The following NTN1 variants were observed in gnomAD, a reference collection of about 807,000 sequenced individuals.
NTN1 encodes the protein netrin-1.
A neutral mutation model predicts 54.2 loss-of-function variants in NTN1; 11 were observed. The ratio of observed to expected loss-of-function variants is 0.20; its 90% CI spans 0.13 to 0.34. NTN1 has a LOEUF of 0.34. Ranked by LOEUF, NTN1 falls within the 10% of genes least tolerant of loss-of-function variation. The pLI is 1.00. For synonymous variants in NTN1, 371 were observed against 382.0 expected (o/e 0.97, Z 0.33); for missense variants, 740 against 893.1 (o/e 0.83, Z 2.18).
intron 2 of NTN1, among the ~76,000 whole-genome samples, chr17:9,087,103 A>G (rs1335244249): frequency 6.6e-6 from 1 of 152,198 alleles, no homozygotes; most frequent in Non-Finnish European, 1.5e-5. Flanking sequence ...TAAAGGTTAC[A>G]CAGTTTGACC....
At chr17:9,153,128 G>T (rs2092332331) in intron 2 of NTN1, among the ~76,000 whole-genome samples, 2 of 152,134 alleles carry the variant, frequency 1.3e-5, no homozygotes, top group South Asian at 4.1e-4. Context: ...AATGAGCCAG[G>T]TGTGGTGGCA....
chr17:9,155,445 G>A (rs1190362101), intron 2 of NTN1, among the ~76,000 whole-genome samples: 3 of 151,758 alleles, frequency 2.0e-5, no homozygotes, highest in African/African-American at 4.8e-5. Flanking sequence ...GGGTTCAAGC[G>A]ATTCTCCTGC....
At chr17:9,147,000 A>AC (rs1344077490) in intron 2 of NTN1, among the ~76,000 whole-genome samples, 1 of 151,016 alleles carries the variant, frequency 6.6e-6, no homozygotes, top group Non-Finnish European at 1.5e-5. Flanking sequence ...AAGCTTTTGA[A>AC]CCCCCAAAGG....
chr17:9,128,513 G>T (rs2092254320), intron 2 of NTN1, among the ~76,000 whole-genome samples: 1 of 152,176 alleles, frequency 6.6e-6, no homozygotes, highest in Non-Finnish European at 1.5e-5. Flanking sequence ...ACTTCTCCTT[G>T]TCCCGGTGCA....
At chr17:9,186,908 G>T (rs571623518) in intron 5 of NTN1, among the ~76,000 whole-genome samples, 1 of 152,138 alleles carries the variant, frequency 6.6e-6, no homozygotes, top group South Asian at 2.1e-4. Flanking sequence ...ACTTGAATGC[G>T]GCATTAGCGA....
chr17:9,109,285 A>G (rs1470549388), intron 2 of NTN1, among the ~76,000 whole-genome samples: 3 of 152,200 alleles, frequency 2.0e-5, no homozygotes, highest in African/African-American at 7.2e-5. Flanking sequence ...CTTCCCAGAA[A>G]CAAATAGTAT....
At chr17:9,235,333 T>C (rs1278188320) in intron 6 of NTN1, among the ~76,000 whole-genome samples, 2 of 152,220 alleles carry the variant, frequency 1.3e-5, no homozygotes, top group African/African-American at 4.8e-5. Context: ...CGTCTGCCTT[T>C]CTGAGAGCAA....
At chr17:9,187,288 G>A (rs1235071331) in intron 5 of NTN1, among the ~76,000 whole-genome samples, 1 of 152,080 alleles carries the variant, frequency 6.6e-6, no homozygotes, top group African/African-American at 2.4e-5. Context: ...AAGTTGGACT[G>A]CCCGAGGCAG....
intron 2 of NTN1, among the ~76,000 whole-genome samples, chr17:9,051,294 C>T (rs533312263): frequency 6.6e-6 from 1 of 152,350 alleles, no homozygotes; most frequent in South Asian, 2.1e-4. Context: ...CAGACAGGCC[C>T]CACCATCCCG....
At chr17:9,011,809 C>T in the NTN1 span, among the ~76,000 whole-genome samples, 4 of 152,056 alleles carry the variant, frequency 2.6e-5, no homozygotes, top group African/African-American at 9.7e-5. Context: ...AGGATGGTCT[C>T]GATCTCTTGA....
chr17:9,042,124 G>T (rs999014694), intron 2 of NTN1, among the ~76,000 whole-genome samples: 1 of 152,034 alleles, frequency 6.6e-6, no homozygotes. Context: ...AACATATGGG[G>T]ATCCTAGTTT....
chr17:9,109,244 A>G (rs2092181010), intron 2 of NTN1, among the ~76,000 whole-genome samples: 1 of 151,956 alleles, frequency 6.6e-6, no homozygotes, highest in Non-Finnish European at 1.5e-5. Flanking sequence ...AATACTTCTC[A>G]TTTTCCTTTT....
the NTN1 span, among the ~76,000 whole-genome samples, chr17:9,010,253 A>G: frequency 1.3e-5 from 2 of 152,316 alleles, no homozygotes; most frequent in Non-Finnish European, 2.9e-5. Flanking sequence ...TGCAGACTGA[A>G]GTCCCCTGTG....
intron 6 of NTN1, among the ~76,000 whole-genome samples, chr17:9,232,521 C>T (rs770302459): frequency 6.6e-6 from 1 of 152,228 alleles, no homozygotes; most frequent in Non-Finnish European, 1.5e-5. Context: ...GAGAGAGGGT[C>T]ATCCTGTTCT....
chr17:9,207,329 T>C (rs1474736938), intron 5 of NTN1, among the ~76,000 whole-genome samples: 2 of 152,162 alleles, frequency 1.3e-5, no homozygotes, highest in African/African-American at 2.4e-5. Flanking sequence ...GTGAGAAATA[T>C]CTTTGGGTTT....
At chr17:9,229,650 G>A (rs896724487) in intron 6 of NTN1, among the ~76,000 whole-genome samples, 1 of 152,132 alleles carries the variant, frequency 6.6e-6, no homozygotes, top group African/African-American at 2.4e-5. Context: ...GCAAACAGGC[G>A]GGAGCGGGCA....
At chr17:9,215,181 CAT>C (rs150512365) in intron 5 of NTN1, among the ~76,000 whole-genome samples, 2,155 of 151,762 alleles carry the variant, frequency 0.014, 28 homozygotes, top group African/African-American at 0.032. Flanking sequence ...CATTCTACTT[CAT>C]AGTTTTTAAT....
At chr17:9,062,266 T>C (rs1429929927) in intron 2 of NTN1, among the ~76,000 whole-genome samples, 1 of 152,240 alleles carries the variant, frequency 6.6e-6, no homozygotes, top group Non-Finnish European at 1.5e-5. Context: ...AAAAGGTTTT[T>C]ATTCCCCTTT....
At chr17:9,220,539 C>T (rs2142355401) in intron 5 of NTN1, among the ~76,000 whole-genome samples, 1 of 152,164 alleles carries the variant, frequency 6.6e-6, no homozygotes, top group Non-Finnish European at 1.5e-5. Context: ...CTCGGTTGGG[C>T]CCTGGAATCC....
Sources: gnomAD v4.1 joint callset for allele counts (sites outside exome capture counted in the v4.1 genomes callset) on GRCh38, gnomAD v4.1.1 for gene constraint, MANE v1.5 for transcripts, NCBI Gene and HGNC (gene_info 2026-07-23, HGNC 2026-07-21) for gene names.